ZNF331: variants seen among roughly 807,000 people sequenced by gnomAD.
ZNF331 encodes zinc finger protein 331.
In ZNF331, 2 loss-of-function variants were observed where a neutral mutation model predicts 7.0. The observed-to-expected ratio is 0.29, with a 90% CI of 0.12 to 0.90. The LOEUF (loss-of-function observed/expected upper bound fraction) is 0.90, where lower values mean the gene tolerates loss of function less well. ZNF331 is among the 40% of genes least tolerant of loss of function. The probability of loss-of-function intolerance (pLI) is 0.58; values close to 1 mark genes in which losing one functional copy is unlikely to be tolerated. For missense variants in ZNF331, 432 were observed against 587.7 expected (o/e 0.74, Z 2.74); for synonymous variants, 196 against 205.4 (o/e 0.95, Z 0.39).
chr19:53,559,077 CAT>C (rs1350426523), intron 3 of ZNF331, among the ~76,000 whole-genome samples: 1 of 151,336 alleles, frequency 6.6e-6, no homozygotes, highest in South Asian at 2.1e-4. Flanking sequence ...CGTATACACA[CAT>C]ATACACACCT....
chr19:53,543,971 G>C (rs958813627), intron 2 of ZNF331, among the ~76,000 whole-genome samples: 3 of 152,118 alleles, frequency 2.0e-5, no homozygotes, highest in Non-Finnish European at 4.4e-5. Context: ...GCTCATGGCT[G>C]TAATCCCAGC....
At chr19:53,528,957 T>C (rs2087418504) in intron 2 of ZNF331, among the ~76,000 whole-genome samples, 1 of 151,848 alleles carries the variant, frequency 6.6e-6, no homozygotes, top group Non-Finnish European at 1.5e-5. Flanking sequence ...GATGATTTTT[T>C]TGTATTTTTA....
intron 3 of ZNF331, among the ~76,000 whole-genome samples, chr19:53,556,120 G>A (rs990050317): frequency 6.6e-6 from 1 of 151,432 alleles, no homozygotes; most frequent in African/African-American, 2.4e-5. Context: ...GTGGGCGCCT[G>A]TAGTCCCAGC....
Position 53,578,032 on chromosome 19 carries a change from C to G in ZNF331, c.*80C>G, listed in dbSNP as rs566744396. 1 of 1,426,314 alleles carries G rather than the reference C, an allele frequency of 7.0e-7. No individual in the cohort carries two copies. Among genetic ancestry groups the G allele is most frequent in the Non-Finnish European group, 9.4e-7 (1 of 1,066,942 alleles). 88.4% of individuals were successfully genotyped at this position (1,426,314 alleles called of 1,614,324 possible). A position where few individuals can be genotyped will look rare whatever the true frequency, so the allele number is the denominator to read the frequency against. On this transcript the variant is annotated 3_prime_UTR_variant, in exon 6 of 6. Coordinates refer to ENST00000449416, the MANE Select transcript of ZNF331 (RefSeq NM_001079906.2). ...TTGTTACCTGCAGTCAACTGCAGTT[C>G]AAAAATATTAAATGGAAAATTCCAG...
upstream of ZNF331, among the ~76,000 whole-genome samples, chr19:53,519,839 G>T (rs532876016): frequency 6.6e-6 from 1 of 152,106 alleles, no homozygotes; most frequent in Admixed American, 6.5e-5. Flanking sequence ...TCTACTGGGG[G>T]GTGGGGGAAA....
At chr19:53,503,553 C>T in the ZNF331 span, 1 of 747,498 alleles carries the variant, frequency 1.3e-6, no homozygotes, top group Non-Finnish European at 2.5e-6. Flanking sequence ...GTAGCCAACA[C>T]CGTATTCCTC....
chr19:53,569,301 T>C lies in ZNF331; in HGVS notation c.-73-3T>C. ...GTTTTAATCTCTTTTTTTCCACCCC[T>C]AGCTCTAGCCTCTCGGAATTTGTCT... On this transcript the variant is annotated splice_region_variant and splice_polypyrimidine_tract_variant and intron_variant, in intron 3 of 5. Transcript: ENST00000449416. The C allele has an allele frequency of 6.4e-7, 1 of 1,555,174 alleles. No individual in the cohort carries two copies. The highest frequency in any genetic ancestry group is 2.2e-5 in the East Asian group (1 of 44,574).
At chr19:53,519,130 C>G (rs950494910), upstream of ZNF331, among the ~76,000 whole-genome samples, 4 of 152,146 alleles carry the variant, frequency 2.6e-5, no homozygotes, top group Non-Finnish European at 5.9e-5. Context: ...TTCATAGAAA[C>G]ATACAATCTC....
upstream of ZNF331, among the ~76,000 whole-genome samples, chr19:53,515,515 G>C (rs2086883464): frequency 2.0e-5 from 3 of 152,162 alleles, no homozygotes; most frequent in Admixed American, 1.3e-4. Flanking sequence ...GTTTGTTTTT[G>C]AGACGGAGTT....
upstream of ZNF331, among the ~76,000 whole-genome samples, chr19:53,515,476 T>G (rs901954106): frequency 2.0e-5 from 3 of 152,194 alleles, no homozygotes; most frequent in African/African-American, 7.2e-5. Context: ...CTTCGTTCAT[T>G]GTGGAGCACT....
At chr19:53,559,441 C>G (rs1568512341) in intron 3 of ZNF331, among the ~76,000 whole-genome samples, 1 of 148,128 alleles carries the variant, frequency 6.8e-6, no homozygotes, top group Non-Finnish European at 1.5e-5. Flanking sequence ...ACCATATATA[C>G]ATATATACAC....
intron 2 of ZNF331, among the ~76,000 whole-genome samples, chr19:53,545,028 C>T (rs926422411): frequency 1.3e-5 from 2 of 152,132 alleles, no homozygotes; most frequent in African/African-American, 4.8e-5. Flanking sequence ...CCGGCCTGTA[C>T]TGTAGTTTTA....
chr19:53,536,956 G>A (rs982661843), upstream of ZNF331, among the ~76,000 whole-genome samples: 1 of 152,126 alleles, frequency 6.6e-6, no homozygotes, highest in East Asian at 1.9e-4. Context: ...TCTGGGTAAC[G>A]TCAGTGGATT....
chr19:53,532,194 C>T (rs1049560874), intron 2 of ZNF331, among the ~76,000 whole-genome samples: 3 of 152,064 alleles, frequency 2.0e-5, no homozygotes, highest in East Asian at 1.9e-4. Context: ...AAAATAGATA[C>T]GCAGAATTTA....
At chr19:53,563,183 G>A (rs1319233722) in intron 3 of ZNF331, among the ~76,000 whole-genome samples, 1 of 142,332 alleles carries the variant, frequency 7.0e-6, no homozygotes, top group Non-Finnish European at 1.5e-5. Context: ...CGCCTCCCGG[G>A]TTCAAGCGAT....
intron 2 of ZNF331, among the ~76,000 whole-genome samples, chr19:53,530,012 G>C (rs2087469612): frequency 6.6e-6 from 1 of 152,158 alleles, no homozygotes; most frequent in South Asian, 2.1e-4. Context: ...TCATGCTTCT[G>C]AAGGCTGAAA....
the ZNF331 span, among the ~76,000 whole-genome samples, chr19:53,509,928 G>C: frequency 4.6e-5 from 7 of 152,188 alleles, no homozygotes; most frequent in Non-Finnish European, 1.0e-4. Flanking sequence ...GAAAAGGAGA[G>C]ACAGAGAGAG....
the ZNF331 span, among the ~76,000 whole-genome samples, chr19:53,509,873 T>C: frequency 6.6e-6 from 1 of 152,134 alleles, no homozygotes; most frequent in Non-Finnish European, 1.5e-5. Context: ...CTCAGGAAAC[T>C]TACAGTCATG....
At position 53,579,556 on chromosome 19, in the gene ZNF331, CTA is replaced by C. The variant is rs1448038177; in HGVS notation, c.*1606_*1607del. ...ATTGTGTAATTTTAATAAATAATAA[CTA>C]TTGTTGTTTTTATGATCATTACTAC... On this transcript the variant is annotated 3_prime_UTR_variant, in exon 6 of 6. Coordinates refer to ENST00000449416, the MANE Select transcript of ZNF331 (RefSeq NM_001079906.2). 5 of 202,836 alleles carry C rather than the reference CTA, an allele frequency of 2.5e-5. No individual in the cohort carries two copies. Among genetic ancestry groups the C allele is most frequent in the African/African-American group, 9.2e-5 (4 of 43,608 alleles). 12.6% of individuals were successfully genotyped at this position (202,836 alleles called of 1,614,324 possible). A position where few individuals can be genotyped will look rare whatever the true frequency, so the allele number is the denominator to read the frequency against.
Sources: gnomAD v4.1 joint callset for allele counts (sites outside exome capture counted in the v4.1 genomes callset) on GRCh38, gnomAD v4.1.1 for gene constraint, MANE v1.5 for transcripts, NCBI Gene and HGNC (gene_info 2026-07-23, HGNC 2026-07-21) for gene names.